Variants in ALS2 observed in about 807,000 individuals in gnomAD.
ALS2 encodes alsin.
A neutral mutation model predicts 203.4 loss-of-function variants in ALS2; 117 were observed. The observed-to-expected ratio is 0.58, with a 90% confidence interval of 0.50 to 0.67. ALS2 has a LOEUF of 0.67. Among genes scored for constraint, ALS2 ranks in the 30% least tolerant of loss-of-function variants. The pLI, the probability that ALS2 is intolerant of heterozygous loss-of-function variation, is 0.00. For missense variants in ALS2, 1,715 were observed against 1,989.4 expected, an observed-to-expected ratio of 0.86 and a Z score of 2.62; for synonymous variants, 718 against 725.9, an observed-to-expected ratio of 0.99 and a Z score of 0.17.
chr2:201,728,732 G>A lies in ALS2; in HGVS notation c.2713-92C>T, dbSNP rs943420144. On this transcript the variant is annotated intron_variant, in intron 14 of 33. Transcript: ENST00000264276. ...TAAAACAGACACAAATCACATTTAA[G>A]GGAATTTGCTGGTCGTAGCTTAGCT... 53 of 1,477,696 alleles carry A rather than the reference G, an allele frequency of 3.6e-5. No individual in the cohort carries two copies. In the African/African-American group the frequency reaches 6.5e-4, roughly 18 times the overall value. 91.5% of individuals were successfully genotyped at this position (1,477,696 alleles called of 1,614,324 possible). A position where few individuals can be genotyped will look rare whatever the true frequency, so the allele number is the denominator to read the frequency against.
At chr2:201,779,182 T>C (rs1372217516) in intron 1 of ALS2, among the ~76,000 whole-genome samples, 1 of 152,156 alleles carries the variant, frequency 6.6e-6, no homozygotes. Context: ...AAACTGAAAT[T>C]TGGAGAGAAG....
At chr2:201,778,729 A>G (rs1054845766) in intron 1 of ALS2, among the ~76,000 whole-genome samples, 2 of 152,222 alleles carry the variant, frequency 1.3e-5, no homozygotes, top group African/African-American at 4.8e-5. Flanking sequence ...AGGAAAATTC[A>G]TATCCTGAAT....
intron 11 of ALS2, among the ~76,000 whole-genome samples, chr2:201,739,248 A>C (rs1433060464): frequency 6.6e-6 from 1 of 151,538 alleles, no homozygotes; most frequent in Non-Finnish European, 1.5e-5. Flanking sequence ...AAAAAAAAAA[A>C]AAAAAAAAAA....
chr2:201,715,560 C>A, intron 25 of ALS2, 112 bp downstream of exon 25: 1 of 1,311,564 alleles, frequency 7.6e-7, no homozygotes, highest in Admixed American at 1.9e-5. Flanking sequence ...TACTCAGAAG[C>A]GAAGTAAATC....
chr2:201,775,974 A>G (rs1694641455), intron 1 of ALS2, among the ~76,000 whole-genome samples: 1 of 152,206 alleles, frequency 6.6e-6, no homozygotes, highest in South Asian at 2.1e-4. Context: ...AGCTGGTTAC[A>G]TTTAAGTGAG....
chr2:201,757,911 T>G (rs1452034208), intron 4 of ALS2, 152 bp from the exon 5 acceptor site: 1 of 643,318 alleles, frequency 1.6e-6, no homozygotes, highest in East Asian at 2.7e-5. Flanking sequence ...GGTATTCTCT[T>G]CTTGATCATG....
At chr2:201,704,101 T>C (rs1689549097) in intron 33 of ALS2, 21 bp downstream of exon 33, 1 of 1,578,124 alleles carries the variant, frequency 6.3e-7, no homozygotes, top group Admixed American at 1.7e-5. Context: ...TAAGAAAGTA[T>C]TAAATAATAA....
chr2:201,761,373 G>A lies in ALS2; in HGVS notation c.621C>T (p.Ala207=). The A allele has an allele frequency of 6.2e-7, 1 of 1,613,020 alleles. No homozygotes were observed. Among genetic ancestry groups the A allele is most frequent in the Non-Finnish European group, 8.5e-7 (1 of 1,179,044 alleles). ...HLAGRVVLQV[A]CGAFHSLALV... ...GGGCTAAGCTGTGGAAAGCACCACA[G>A]GCAACTTGAAGCACCACTCGCCCAG... is the stretch of plus-strand genomic sequence containing the variant. The change falls in exon 4 of 34, where the codon GCC becomes GCT. Residue 207 remains alanine (A), a synonymous_variant. Transcript: ENST00000264276.
intron 2 of ALS2, 89 bp downstream of exon 2, chr2:201,768,777 A>T: frequency 7.6e-7 from 1 of 1,313,190 alleles, no homozygotes; most frequent in Non-Finnish European, 1.1e-6. Context: ...CATCAACAAG[A>T]AAATTAAACT....
At chr2:201,706,764 T>C in intron 29 of ALS2, 82 bp downstream of exon 29, 1 of 1,443,098 alleles carries the variant, frequency 6.9e-7, no homozygotes, top group East Asian at 2.3e-5. Flanking sequence ...TATAATTAGA[T>C]ATCAAAGTGC....
At position 201,754,465 on chromosome 2, in the gene ALS2, T is replaced by C. The variant is rs577499503; in HGVS notation, c.1640+38A>G. 43 of 1,613,710 alleles carry C rather than the reference T, an allele frequency of 2.7e-5. No homozygotes were observed. In the South Asian group the frequency reaches 4.1e-4, roughly 15 times the overall value. On this transcript the variant is annotated intron_variant, in intron 6 of 33. Coordinates refer to ENST00000264276, the MANE Select transcript of ALS2 (RefSeq NM_020919.4). ...CTTCCCAGGAGAGAGATTATTTGTT[T>C]AAGCCAACTTCTATCGGTAAATGTT...
intron 1 of ALS2, among the ~76,000 whole-genome samples, chr2:201,770,680 G>A (rs995981845): frequency 3.3e-5 from 5 of 152,134 alleles, no homozygotes; most frequent in African/African-American, 4.8e-5. Context: ...ATCCTTAAAA[G>A]TGGAAGAGGG....
At chr2:201,750,972 C>T (rs1181946748) in intron 7 of ALS2, among the ~76,000 whole-genome samples, 3 of 151,720 alleles carry the variant, frequency 2.0e-5, no homozygotes, top group African/African-American at 7.3e-5. Flanking sequence ...TCCTGCTCAG[C>T]CTTCCAAGTA....
At chr2:201,708,606 C>T (rs943320117) in intron 27 of ALS2, among the ~76,000 whole-genome samples, 1 of 152,082 alleles carries the variant, frequency 6.6e-6, no homozygotes, top group Non-Finnish European at 1.5e-5. Context: ...TGTACTCAAC[C>T]TAAAATTTAA....
At chr2:201,746,422 A>G (rs1019886515) in intron 9 of ALS2, 144 bp downstream of exon 9, 13 of 877,248 alleles carry the variant, frequency 1.5e-5, no homozygotes, top group Admixed American at 8.8e-5. Context: ...TAAGGAGTGA[A>G]GGGGGCTTGA....
Position 201,701,823 on chromosome 2 carries a change from T to C in ALS2, c.*28A>G, listed in dbSNP as rs1017095879. ...TGGTGTTATAACACTCTGTAGTAGA[T>C]AATCCAGTTTTCAAGCTGTTATGCA... On this transcript the variant is annotated 3_prime_UTR_variant, in exon 34 of 34. Transcript: ENST00000264276. The C allele has an allele frequency of 4.3e-6, 7 of 1,609,868 alleles. No individual in the cohort carries two copies. The highest frequency in any genetic ancestry group is 5.1e-6 in the Non-Finnish European group (6 of 1,176,434).
chr2:201,743,364 G>A (rs1225017665), intron 10 of ALS2, among the ~76,000 whole-genome samples: 1 of 152,088 alleles, frequency 6.6e-6, no homozygotes, highest in Non-Finnish European at 1.5e-5. Flanking sequence ...CTGGACAGTG[G>A]CATCCCATCT....
intron 3 of ALS2, among the ~76,000 whole-genome samples, chr2:201,765,071 G>T (rs1694008025): frequency 6.6e-6 from 1 of 151,500 alleles, no homozygotes; most frequent in Non-Finnish European, 1.5e-5. Context: ...ACAGCTCACT[G>T]CACGCAGCTT....
At chr2:201,718,970 A>T (rs538587724) in intron 23 of ALS2, among the ~76,000 whole-genome samples, 1 of 152,330 alleles carries the variant, frequency 6.6e-6, no homozygotes, top group Admixed American at 6.5e-5. Context: ...GATTAGTGCA[A>T]AAATCAGTAA....
Sources: gnomAD v4.1 joint callset for allele counts (sites outside exome capture counted in the v4.1 genomes callset) on GRCh38, gnomAD v4.1.1 for gene constraint, MANE v1.5 for transcripts, NCBI Gene and HGNC (gene_info 2026-07-23, HGNC 2026-07-21) for gene names.